The following RASSF4 variants were observed in gnomAD, a reference collection of about 807,000 sequenced individuals.
The protein encoded by RASSF4 is Ras association domain family member 4, also known as ras association domain-containing protein 4.
Under a neutral mutation model 41.1 loss-of-function variants are expected in RASSF4, and 38 were observed. The ratio of observed to expected loss-of-function variants is 0.92; its 90% CI spans 0.71 to 1.21. The LOEUF (loss-of-function observed/expected upper bound fraction) is 1.21, where lower values mean the gene tolerates loss of function less well. Among genes scored for constraint, RASSF4 ranks in the 50% most tolerant of loss-of-function variants. The pLI is 0.00. For missense variants in RASSF4, 414 were observed against 419.4 expected, an observed-to-expected ratio of 0.99 and a Z score of 0.11; for synonymous variants, 179 against 163.4, an observed-to-expected ratio of 1.10 and a Z score of -0.73.
chr10:44,966,310 T>G (rs544672436), intron 1 of RASSF4, among the ~76,000 whole-genome samples: 1 of 152,254 alleles, frequency 6.6e-6, no homozygotes, highest in East Asian at 1.9e-4. Flanking sequence ...ATGAACTTCT[T>G]CCCCACACAC....
chr10:44,992,037 G>T, intron 10 of RASSF4, 35 bp downstream of exon 10: 1 of 1,393,168 alleles, frequency 7.2e-7, no homozygotes, highest in South Asian at 1.2e-5. Flanking sequence ...CATGGGTCCT[G>T]AACATCAGGG....
rs181557761 is a variant in RASSF4 at position 44,990,397 on chromosome 10, T to C, written c.686-551T>C. On this transcript the variant is annotated intron_variant, in intron 8 of 10. Transcript: ENST00000340258. ...ATATCCAGGGATGAATGGTCAGAAT[T>C]TGGGCTTAAATAGCATATTCACAAA... The C allele has an allele frequency of 2.2e-3, 338 of 155,474 alleles. 1 individual carries two copies. Among genetic ancestry groups the C allele is most frequent in the Non-Finnish European group, 3.1e-3 (217 of 70,040 alleles). 9.6% of individuals were successfully genotyped at this position (155,474 alleles called of 1,614,324 possible).
At chr10:44,962,939 T>C (rs979461016) in intron 1 of RASSF4, among the ~76,000 whole-genome samples, 1 of 152,190 alleles carries the variant, frequency 6.6e-6, no homozygotes, top group African/African-American at 2.4e-5. Context: ...ACATGGCTGC[T>C]CAGGGCCAGG....
At chr10:44,961,668 T>C (rs1402303211) in intron 1 of RASSF4, among the ~76,000 whole-genome samples, 10 of 152,344 alleles carry the variant, frequency 6.6e-5, no homozygotes, top group South Asian at 2.1e-4. Flanking sequence ...ACAAGGCCCA[T>C]CTTACAGGTC....
intron 3 of RASSF4, among the ~76,000 whole-genome samples, chr10:44,975,810 C>G (rs1841399850): frequency 6.6e-6 from 1 of 151,336 alleles, no homozygotes; most frequent in African/African-American, 2.4e-5. Context: ...GTGAGGAAGC[C>G]CGGGGATGGT....
intron 1 of RASSF4, among the ~76,000 whole-genome samples, chr10:44,965,713 AC>A (rs1840876538): frequency 6.6e-6 from 1 of 151,610 alleles, no homozygotes; most frequent in Non-Finnish European, 1.5e-5. Context: ...TTGCTCGCTG[AC>A]CCCCCTGCCC....
At chr10:44,993,227 T>C in intron 10 of RASSF4, 42 bp from the exon 11 acceptor site, 1 of 1,589,508 alleles carries the variant, frequency 6.3e-7, no homozygotes, top group Non-Finnish European at 8.6e-7. Flanking sequence ...CTCCCTGCCC[T>C]GTCTGGCCTC....
chr10:44,970,347 T>C (rs1204463083), intron 2 of RASSF4, 83 bp downstream of exon 2: 3 of 1,112,140 alleles, frequency 2.7e-6, no homozygotes, highest in East Asian at 4.7e-5. Context: ...GGTGGAGGGG[T>C]TCTGAGCACT....
intron 8 of RASSF4, 67 bp downstream of exon 8, chr10:44,989,788 C>A: frequency 7.3e-7 from 1 of 1,377,656 alleles, no homozygotes. Context: ...AAGCCCCCTC[C>A]CCACCAACCA....
At position 44,970,236 on chromosome 10, in the gene RASSF4, C is replaced by T; in HGVS notation, c.34C>T (p.Pro12Ser). Residue 12 changes from proline (P) to serine (S), a missense_variant, in exon 2 of 11, where the codon CCC becomes TCC. Coordinates refer to ENST00000340258, the MANE Select transcript of RASSF4 (RefSeq NM_032023.4). Reference protein sequence around the residue: ...KEDCLPSSHVPISDSKSIQKS... With the variant: ...KEDCLPSSHVSISDSKSIQKS... ...AGACTGTCTGCCGAGTTCTCACGTG[C>T]CCATCAGTGACAGCAAGTCCATTCA... The T allele has an allele frequency of 1.9e-6, 3 of 1,613,978 alleles. No homozygotes were observed. Among genetic ancestry groups the T allele is most frequent in the African/African-American group, 1.3e-5 (1 of 75,040 alleles).
rs1479264627 is a variant in RASSF4, at chr10:44,987,600, C to G, written c.532-1674C>G. Among the ~76,000 whole-genome samples the G allele has an allele frequency of 7.7e-4, 112 of 145,406 alleles. 1 individual carries two copies. Among genetic ancestry groups the G allele is most frequent in the Non-Finnish European group, 1.3e-4 (9 of 66,804 alleles). ...TTGCAAATGGAAGGTTGCTGTTCAG[C>G]AACCTTCCATTTGCAAAAATGTGCA... On this transcript the variant is annotated intron_variant, in intron 6 of 10. Transcript: ENST00000340258.
At chr10:44,991,174 C>T (rs1842098060) in intron 9 of RASSF4, 105 bp downstream of exon 9, 1 of 1,120,096 alleles carries the variant, frequency 8.9e-7, no homozygotes, top group Non-Finnish European at 1.2e-6. Flanking sequence ...TTGATGTCTC[C>T]AGGAGCTCCA....
chr10:44,963,496 T>G (rs116530118), intron 1 of RASSF4, among the ~76,000 whole-genome samples: 3,443 of 152,310 alleles, frequency 0.023, 74 homozygotes, highest in African/African-American at 0.054. Flanking sequence ...GCTGCCGTTG[T>G]GGCTGGCAAT....
chr10:44,977,170 A>G, intron 3 of RASSF4: 1 of 508,574 alleles, frequency 2.0e-6, no homozygotes, highest in East Asian at 3.1e-5. Flanking sequence ...GTGATCAGCC[A>G]GCAAGGGTCA....
chr10:44,976,071 C>A (rs1300722656), intron 3 of RASSF4: 1 of 152,250 alleles, frequency 6.6e-6, no homozygotes. Flanking sequence ...CTGCCCCACA[C>A]GTTTGCCCAA....
intron 3 of RASSF4, among the ~76,000 whole-genome samples, chr10:44,979,753 TG>T (rs1841625579): frequency 6.6e-6 from 1 of 151,774 alleles, no homozygotes; most frequent in African/African-American, 2.4e-5. Flanking sequence ...CAGTGGACCT[TG>T]GGGTGGATGC....
chr10:44,975,761 C>A (rs2132779237), intron 3 of RASSF4, among the ~76,000 whole-genome samples: 1 of 151,288 alleles, frequency 6.6e-6, no homozygotes, highest in African/African-American at 2.4e-5. Flanking sequence ...GAGCGCCTTC[C>A]AAAGGTGCCA....
chr10:44,970,530 A>C (rs1841109058), intron 2 of RASSF4: 1 of 434,858 alleles, frequency 2.3e-6, no homozygotes, highest in East Asian at 3.5e-5. Flanking sequence ...ACAGGGCCTC[A>C]TTATAACTTT....
Position 44,988,043 on chromosome 10 carries a change from A to G in RASSF4, c.532-1231A>G, listed in dbSNP as rs149650251. Among the ~76,000 whole-genome samples the G allele has an allele frequency of 7.0e-3, 1,064 of 152,286 alleles. 10 individuals carry two copies. Among genetic ancestry groups the G allele is most frequent in the Middle Eastern group, 0.024 (7 of 294 alleles). ...CTTGGGAAAACAGAGCTAGGATCTC[A>G]GAGGAGGAATATGCGAATCTAAACT... On this transcript the variant is annotated intron_variant, in intron 6 of 10. Transcript: ENST00000340258.
Sources: allele counts gnomAD v4.1 joint callset (sites outside exome capture counted in the v4.1 genomes callset), GRCh38; gene constraint gnomAD v4.1.1; transcripts MANE v1.5; gene names NCBI Gene and HGNC (gene_info 2026-07-23, HGNC 2026-07-21).